The following PEPD variants were observed in gnomAD, a reference collection of about 807,000 sequenced individuals.
PEPD encodes xaa-Pro dipeptidase.
A neutral mutation model predicts 60.7 loss-of-function variants in PEPD; 53 were observed. The ratio of observed to expected loss-of-function variants is 0.87; its 90% confidence interval spans 0.70 to 1.10. The LOEUF (loss-of-function observed/expected upper bound fraction) is 1.10, where lower values mean the gene tolerates loss of function less well. Among genes scored for constraint, PEPD ranks in the 50% least tolerant of loss-of-function variants. PEPD has a pLI of 0.00. For synonymous variants in PEPD, 267 were observed against 284.1 expected, an observed-to-expected ratio of 0.94 and a Z score of 0.60; for missense variants, 711 against 711.9, an observed-to-expected ratio of 1.00 and a Z score of 0.01.
At chr19:33,407,747 C>T (rs950859268) in intron 11 of PEPD, among the ~76,000 whole-genome samples, 28 of 152,328 alleles carry the variant, frequency 1.8e-4, no homozygotes, top group African/African-American at 6.5e-4. Context: ...AGGATCACAG[C>T]GGGAAAAGAC....
rs559405110 is a variant in PEPD at position 33,490,817 on chromosome 19, C to G, written c.442-760G>C. On this transcript the variant is annotated intron_variant, in intron 5 of 14. Transcript: ENST00000244137. ...TAGCTGGGATTACAGGTGCGCACCA[C>G]CATGCCCAGCTAATTTTATATTTTT... is the stretch of plus-strand genomic sequence containing the variant. Among the ~76,000 whole-genome samples the G allele has an allele frequency of 8.5e-5, 13 of 152,230 alleles. No homozygotes were observed. In the East Asian group the frequency reaches 2.5e-3, roughly 30 times the overall value.
chr19:33,433,073 G>T (rs1254826471), intron 9 of PEPD, among the ~76,000 whole-genome samples: 1 of 152,162 alleles, frequency 6.6e-6, no homozygotes, highest in Non-Finnish European at 1.5e-5. Context: ...CAAGCCAGTG[G>T]TCCCCAGGGC....
At chr19:33,511,606 T>C (rs1172147473) in intron 2 of PEPD, 6 of 294,810 alleles carry the variant, frequency 2.0e-5, no homozygotes, top group Non-Finnish European at 4.0e-5. Flanking sequence ...GGACGGCTGA[T>C]GACTTCAGTG....
intron 3 of PEPD, among the ~76,000 whole-genome samples, chr19:33,509,606 G>A (rs543361088): frequency 6.6e-6 from 1 of 152,308 alleles, no homozygotes; most frequent in African/African-American, 2.4e-5. Context: ...TGGCAGCCAG[G>A]GGCCTTGTCA....
At chr19:33,418,471 T>C (rs149326078) in intron 9 of PEPD, among the ~76,000 whole-genome samples, 12 of 152,326 alleles carry the variant, frequency 7.9e-5, no homozygotes, top group East Asian at 5.8e-4. Flanking sequence ...TCCTTTTGCA[T>C]GGAACCAGAA....
At chr19:33,467,328 A>G (rs931464893) in intron 7 of PEPD, among the ~76,000 whole-genome samples, 3 of 151,792 alleles carry the variant, frequency 2.0e-5, no homozygotes, top group Non-Finnish European at 2.9e-5. Flanking sequence ...CACAGTCATC[A>G]TAGAAACACA....
At chr19:33,437,030 G>A (rs370474338) in intron 9 of PEPD, among the ~76,000 whole-genome samples, 6 of 152,192 alleles carry the variant, frequency 3.9e-5, no homozygotes, top group African/African-American at 7.2e-5. Flanking sequence ...AAGCTGGCAC[G>A]GAAGAGGAGC....
At chr19:33,504,087 G>C (rs1970758235) in intron 3 of PEPD, among the ~76,000 whole-genome samples, 1 of 152,178 alleles carries the variant, frequency 6.6e-6, no homozygotes, top group Admixed American at 6.5e-5. Flanking sequence ...TGGCAACTGT[G>C]CATTGCATTC....
chr19:33,460,101 G>A (rs1177959151), intron 9 of PEPD, among the ~76,000 whole-genome samples: 1 of 152,226 alleles, frequency 6.6e-6, no homozygotes, highest in African/African-American at 2.4e-5. Flanking sequence ...AAAAACACGG[G>A]CTTTAGAAGA....
At chr19:33,491,064 C>G (rs1207781598) in intron 5 of PEPD, among the ~76,000 whole-genome samples, 2 of 152,152 alleles carry the variant, frequency 1.3e-5, no homozygotes. Context: ...TGACCATAAT[C>G]ATCTCACATA....
chr19:33,409,130 G>A (rs939370368), intron 11 of PEPD, among the ~76,000 whole-genome samples: 3 of 152,242 alleles, frequency 2.0e-5, no homozygotes, highest in Non-Finnish European at 4.4e-5. Context: ...CTGGGATTAT[G>A]CCAGGACCCT....
At chr19:33,461,755 C>T (rs1969929781) in intron 9 of PEPD, among the ~76,000 whole-genome samples, 1 of 152,182 alleles carries the variant, frequency 6.6e-6, no homozygotes, top group African/African-American at 2.4e-5. Context: ...CCTGGGAATG[C>T]TGGGCCACAG....
chr19:33,396,889 C>A (rs138337084), intron 12 of PEPD, among the ~76,000 whole-genome samples: 1 of 152,162 alleles, frequency 6.6e-6, no homozygotes, highest in African/African-American at 2.4e-5. Flanking sequence ...GAACAGCCTT[C>A]CTGCTGTGGC....
At chr19:33,420,746 T>TAA (rs144838931) in intron 9 of PEPD, among the ~76,000 whole-genome samples, 5 of 142,542 alleles carry the variant, frequency 3.5e-5, no homozygotes, top group African/African-American at 1.3e-4. Flanking sequence ...TAGCTGTAAT[T>TAA]AAAAAAAAAA....
chr19:33,457,711 C>T (rs1047253280), intron 9 of PEPD, among the ~76,000 whole-genome samples: 4 of 152,328 alleles, frequency 2.6e-5, no homozygotes, highest in East Asian at 1.9e-4. Flanking sequence ...GCGGTTTCAC[C>T]GCGTTAGCCA....
chr19:33,454,396 G>GT (rs1187607790), intron 9 of PEPD, among the ~76,000 whole-genome samples: 2 of 152,198 alleles, frequency 1.3e-5, no homozygotes, highest in Admixed American at 6.5e-5. Flanking sequence ...GAGGGCAAGA[G>GT]TTTGAGACCA....
At chr19:33,422,884 C>T (rs1475683170) in intron 9 of PEPD, among the ~76,000 whole-genome samples, 1 of 151,646 alleles carries the variant, frequency 6.6e-6, no homozygotes, top group African/African-American at 2.4e-5. Context: ...ACCCATCCAT[C>T]TATTCCTCTA....
At chr19:33,420,142 T>C (rs904177156) in intron 9 of PEPD, among the ~76,000 whole-genome samples, 3 of 152,220 alleles carry the variant, frequency 2.0e-5, no homozygotes, top group African/African-American at 7.2e-5. Flanking sequence ...CGTGCTTGAT[T>C]AGGTTGAGTT....
chr19:33,436,770 A>T (rs1462550135), intron 9 of PEPD, among the ~76,000 whole-genome samples: 1 of 152,136 alleles, frequency 6.6e-6, no homozygotes, highest in African/African-American at 2.4e-5. Flanking sequence ...CAGGAAGGGA[A>T]TTGGTTGGAG....
Sources: gnomAD v4.1 joint callset for allele counts (sites outside exome capture counted in the v4.1 genomes callset) on GRCh38, gnomAD v4.1.1 for gene constraint, MANE v1.5 for transcripts, NCBI Gene and HGNC (gene_info 2026-07-23, HGNC 2026-07-21) for gene names.